The following SRFBP1 variants were observed in gnomAD, a reference collection of about 807,000 sequenced individuals.
The protein encoded by SRFBP1 is serum response factor-binding protein 1.
A neutral mutation model predicts 45.5 loss-of-function variants in SRFBP1; 47 were observed. The observed-to-expected ratio is 1.03, with a 90% CI of 0.82 to 1.32. The LOEUF (loss-of-function observed/expected upper bound fraction) is 1.32, where lower values mean the gene tolerates loss of function less well. Among genes scored for constraint, SRFBP1 ranks in the 40% most tolerant of loss-of-function variants. The pLI is 0.00. For missense variants in SRFBP1, 621 were observed against 484.6 expected (o/e 1.28, Z -2.64); for synonymous variants, 203 against 166.3 (o/e 1.22, Z -1.70).
chr5:122,048,846 G>A (rs909461197), intron 2 of SRFBP1, among the ~76,000 whole-genome samples: 1 of 152,156 alleles, frequency 6.6e-6, no homozygotes, highest in Non-Finnish European at 1.5e-5. Context: ...GGTGTTTATA[G>A]TATTCTCTGA....
At chr5:122,051,886 G>T (rs2152577876) in intron 2 of SRFBP1, among the ~76,000 whole-genome samples, 1 of 152,138 alleles carries the variant, frequency 6.6e-6, no homozygotes. Flanking sequence ...GTAGTAGCTG[G>T]TAACAGTCCT....
chr5:121,999,629 A>G (rs547902418), intron 4 of SRFBP1, among the ~76,000 whole-genome samples: 4 of 152,144 alleles, frequency 2.6e-5, no homozygotes, highest in Admixed American at 2.6e-4. Flanking sequence ...TGTATGTTAG[A>G]TATGTAAACT....
chr5:122,038,804 A>T (rs1753729996), intron 2 of SRFBP1, among the ~76,000 whole-genome samples: 1 of 152,196 alleles, frequency 6.6e-6, no homozygotes, highest in African/African-American at 2.4e-5. Context: ...TTTGGTGCCA[A>T]AGTAATTGCA....
chr5:122,070,816 T>C (rs1754428818), intron 2 of SRFBP1: 1 of 331,184 alleles, frequency 3.0e-6, no homozygotes, highest in Non-Finnish European at 5.4e-6. Context: ...CCTCACTTCT[T>C]AAAAGTGTCA....
intron 2 of SRFBP1, among the ~76,000 whole-genome samples, chr5:122,059,584 G>C (rs1046209223): frequency 8.5e-5 from 13 of 152,084 alleles, no homozygotes; most frequent in Non-Finnish European, 1.9e-4. Flanking sequence ...ATAATATTGG[G>C]AGAGGGATGG....
intron 3 of SRFBP1, among the ~76,000 whole-genome samples, chr5:121,980,400 T>C (rs1752384736): frequency 3.9e-5 from 6 of 152,202 alleles, no homozygotes; most frequent in Admixed American, 3.9e-4. Context: ...CTAAGTAATC[T>C]GTGAAATGAT....
At chr5:122,038,015 G>C (rs1236227532) in intron 2 of SRFBP1, among the ~76,000 whole-genome samples, 1 of 152,128 alleles carries the variant, frequency 6.6e-6, no homozygotes, top group East Asian at 1.9e-4. Flanking sequence ...CCATTTCCAG[G>C]TGTGGCCCAT....
chr5:121,995,294 C>T (rs1297292421), intron 4 of SRFBP1, among the ~76,000 whole-genome samples: 1 of 151,976 alleles, frequency 6.6e-6, no homozygotes, highest in East Asian at 1.9e-4. Flanking sequence ...TGTAAAAGAA[C>T]AGAAATTATA....
At chr5:121,977,018 T>G (rs1231410062) in intron 3 of SRFBP1, among the ~76,000 whole-genome samples, 1 of 152,050 alleles carries the variant, frequency 6.6e-6, no homozygotes, top group African/African-American at 2.4e-5. Context: ...AGTGATACAT[T>G]TGATTAATTA....
intron 4 of SRFBP1, among the ~76,000 whole-genome samples, chr5:121,997,698 CAA>C (rs1752760645): frequency 6.6e-6 from 1 of 151,188 alleles, no homozygotes; most frequent in African/African-American, 2.4e-5. Context: ...TTCTGCACAG[CAA>C]AAGAAACTAC....
At chr5:121,975,237 A>G in intron 2 of SRFBP1, 78 bp from the exon 3 acceptor site, 2 of 1,416,658 alleles carry the variant, frequency 1.4e-6, no homozygotes, top group Admixed American at 1.7e-5. Flanking sequence ...CTAAAAAGAA[A>G]TGAAGTGATT....
intron 4 of SRFBP1, among the ~76,000 whole-genome samples, chr5:122,000,295 T>C (rs1196071144): frequency 2.6e-5 from 4 of 152,060 alleles, no homozygotes; most frequent in African/African-American, 9.6e-5. Flanking sequence ...ATTTTTCTAT[T>C]TTTGCTTTGA....
chr5:122,025,863 G>A (rs2112714820), intron 7 of SRFBP1, among the ~76,000 whole-genome samples: 1 of 152,320 alleles, frequency 6.6e-6, no homozygotes, highest in African/African-American at 2.4e-5. Context: ...CACTTTGGGA[G>A]GCTGAGGTGG....
downstream of SRFBP1, among the ~76,000 whole-genome samples, chr5:122,031,690 G>A (rs901449131): frequency 5.9e-5 from 9 of 152,066 alleles, no homozygotes; most frequent in African/African-American, 2.2e-4. Flanking sequence ...TGTAATACTT[G>A]AATGTGAATG....
At chr5:122,048,931 T>C (rs1423411153) in intron 2 of SRFBP1, among the ~76,000 whole-genome samples, 1 of 152,182 alleles carries the variant, frequency 6.6e-6, no homozygotes, top group Non-Finnish European at 1.5e-5. Flanking sequence ...TTGATTCTTC[T>C]CTCTTTTCTT....
At chr5:122,071,513 GT>G (rs1160575316) in intron 2 of SRFBP1, among the ~76,000 whole-genome samples, 5 of 152,134 alleles carry the variant, frequency 3.3e-5, no homozygotes, top group African/African-American at 1.2e-4. Flanking sequence ...ACATCAATAA[GT>G]AAATGAATGC....
chr5:122,023,641 T>G (rs1026295943), intron 7 of SRFBP1, among the ~76,000 whole-genome samples: 3 of 152,174 alleles, frequency 2.0e-5, no homozygotes, highest in Admixed American at 2.0e-4. Context: ...GGAGGGTCTT[T>G]GTTTCGTGGC....
At chr5:121,971,397 T>G (rs185094959) in intron 1 of SRFBP1, among the ~76,000 whole-genome samples, 279 of 151,978 alleles carry the variant, frequency 1.8e-3, no homozygotes, top group Non-Finnish European at 3.5e-3. Flanking sequence ...GACCTTTAGG[T>G]GTATAACTAA....
rs1038905449 is a variant in SRFBP1 at position 122,034,226 on chromosome 5, T to A, written n.311+11819T>A. ...ATGAAGATCTTTTCCATTTAATAAG[T>A]GAAGTAAGCCCTTTCACATGTGTTA... On this transcript the variant is annotated intron_variant and non_coding_transcript_variant, in intron 2 of 2. Transcript: ENST00000504881. Among the ~76,000 whole-genome samples the A allele has an allele frequency of 4.7e-5, 7 of 149,708 alleles. No individual in the cohort carries two copies. In the South Asian group the frequency reaches 8.3e-4, roughly 18 times the overall value.
Sources: gnomAD v4.1 joint callset for allele counts (sites outside exome capture counted in the v4.1 genomes callset) on GRCh38, gnomAD v4.1.1 for gene constraint, MANE v1.5 for transcripts, NCBI Gene and HGNC (gene_info 2026-07-23, HGNC 2026-07-21) for gene names.